The following TIAM1 variants were observed in gnomAD, a reference collection of about 807,000 sequenced individuals.
The protein encoded by TIAM1 is rho guanine nucleotide exchange factor TIAM1.
In TIAM1, 65 loss-of-function variants were observed where a neutral mutation model predicts 163.5. The observed-to-expected ratio is 0.40, with a 90% confidence interval of 0.33 to 0.49. TIAM1 has a LOEUF of 0.49. TIAM1 is among the 20% of genes least tolerant of loss of function. TIAM1 has a pLI of 0.77. For synonymous variants in TIAM1, 833 were observed against 810.1 expected (o/e 1.03, Z -0.48); for missense variants, 1,789 against 2,044.7 (o/e 0.87, Z 2.41).
At chr21:31,341,588 G>C (rs1168350450) in intron 1 of TIAM1, among the ~76,000 whole-genome samples, 1 of 152,142 alleles carries the variant, frequency 6.6e-6, no homozygotes, top group African/African-American at 2.4e-5. Flanking sequence ...CATTTTTCCA[G>C]AACAATATCA....
intron 13 of TIAM1, among the ~76,000 whole-genome samples, chr21:31,193,215 G>A (rs1236247806): frequency 1.3e-5 from 2 of 152,208 alleles, no homozygotes; most frequent in African/African-American, 4.8e-5. Flanking sequence ...GCTATTCTTC[G>A]AAAGGCCCGC....
chr21:31,295,011 T>C (rs1432741443), intron 2 of TIAM1, among the ~76,000 whole-genome samples: 1 of 152,336 alleles, frequency 6.6e-6, no homozygotes, highest in African/African-American at 2.4e-5. Flanking sequence ...ATCCTGACGC[T>C]AGTTTTCATC....
intron 2 of TIAM1, among the ~76,000 whole-genome samples, chr21:31,326,678 G>T (rs2075499054): frequency 6.6e-6 from 1 of 152,166 alleles, no homozygotes; most frequent in East Asian, 1.9e-4. Context: ...TAATACTCGG[G>T]AAGTATTTAA....
Position 31,298,516 on chromosome 21 carries a change from G to A in TIAM1, c.-188-21608C>T, listed in dbSNP as rs147503013. Among the ~76,000 whole-genome samples the A allele has an allele frequency of 6.2e-3, 943 of 152,094 alleles. 8 individuals carry two copies. Among genetic ancestry groups the A allele is most frequent in the African/African-American group, 0.022 (910 of 41,464 alleles). On this transcript the variant is annotated intron_variant, in intron 2 of 27. Coordinates refer to ENST00000541036, the MANE Select transcript of TIAM1 (RefSeq NM_001353694.2). ...AGTGATCAAGGTGTTTACTTAATTG[G>A]CATTTCCAAATATCAGTGTCATGGC...
upstream of TIAM1, among the ~76,000 whole-genome samples, chr21:31,348,489 C>T (rs2076184621): frequency 1.3e-5 from 2 of 152,194 alleles, no homozygotes; most frequent in Non-Finnish European, 2.9e-5. Flanking sequence ...AACACGATTT[C>T]CCAGCATAAC....
chr21:31,225,888 C>T lies in TIAM1; in HGVS notation c.1647G>A (p.Ala549=), dbSNP rs369256079. Residue 549 remains alanine, a synonymous_variant, in exon 7 of 28, where the codon GCG becomes GCA. Transcript: ENST00000541036. ...CTTCCTTGTGGTGGTGCCTCGCGACCGCAGTGGCGCAGGCAGAGTGGATGG... is the reference window on the plus strand; with the variant it reads ...CTTCCTTGTGGTGGTGCCTCGCGACTGCAGTGGCGCAGGCAGAGTGGATGG... The part of the protein sequence containing the change: ...ITAIHSACAT[A]VARHHHKEDT... The T allele has an allele frequency of 1.1e-5, 17 of 1,613,996 alleles. No homozygotes were observed. The highest frequency in any genetic ancestry group is 6.7e-5 in the African/African-American group (5 of 74,906).
chr21:31,266,448 G>C lies in TIAM1; in HGVS notation c.525C>G (p.Ile175Met), dbSNP rs771021898. ...FKKKRSKSADIWREDSLEFSL... is the reference protein window; with the variant it reads ...FKKKRSKSADMWREDSLEFSL... ...AGAATTCCAGGCTGTCCTCCCGCCA[G>C]ATGTCTGCAGATTTGGAGCGTTTCT... The change falls in exon 4 of 28, where the codon ATC becomes ATG. Residue 175 changes from isoleucine (I) to methionine (M), a missense_variant. Ile to Met is a conservative substitution (Grantham distance 10, BLOSUM62 1). Coordinates refer to ENST00000541036, the MANE Select transcript of TIAM1 (RefSeq NM_001353694.2). 12 of 1,614,210 alleles carry C rather than the reference G, an allele frequency of 7.4e-6. No homozygotes were observed. In the East Asian group the frequency reaches 1.1e-4, roughly 15 times the overall value.
chr21:31,198,933 A>G (rs543805395), intron 12 of TIAM1, among the ~76,000 whole-genome samples: 68 of 152,322 alleles, frequency 4.5e-4, no homozygotes, highest in African/African-American at 1.6e-3. Flanking sequence ...ATATCTCAAG[A>G]AGCGTTTGTA....
chr21:31,383,852 T>A (rs2076821652), intron 2 of TIAM1, among the ~76,000 whole-genome samples: 1 of 152,154 alleles, frequency 6.6e-6, no homozygotes, highest in Admixed American at 6.5e-5. Context: ...TTTTCCACTT[T>A]CCAGAGTGAA....
chr21:31,488,037 C>G (rs141828063), intron 1 of TIAM1, among the ~76,000 whole-genome samples: 55 of 152,258 alleles, frequency 3.6e-4, no homozygotes, highest in African/African-American at 1.2e-3. Flanking sequence ...AATCTATAGT[C>G]TATTTGTAAC....
chr21:31,352,542 C>CT (rs897487362), intron 2 of TIAM1, among the ~76,000 whole-genome samples: 2 of 122,786 alleles, frequency 1.6e-5, no homozygotes, highest in Non-Finnish European at 1.7e-5. Flanking sequence ...ATATATGTAG[C>CT]TTTAAAAAAA....
chr21:31,171,035 C>CAAAA (rs34291568), intron 15 of TIAM1, among the ~76,000 whole-genome samples: 902 of 19,532 alleles, frequency 0.046, 77 homozygotes, highest in African/African-American at 0.073. Flanking sequence ...GACTCCATCT[C>CAAAA]AAAAAAAAAA....
chr21:31,178,563 C>A (rs539335819), intron 15 of TIAM1, among the ~76,000 whole-genome samples: 1 of 152,204 alleles, frequency 6.6e-6, no homozygotes, highest in Non-Finnish European at 1.5e-5. Flanking sequence ...GCCTCGGCCT[C>A]CCGAAGTGCT....
Position 31,261,132 on chromosome 21 carries a change from C to T in TIAM1, c.963+4878G>A, listed in dbSNP as rs79729777. Among the ~76,000 whole-genome samples, 798 of 150,874 alleles carry T rather than the reference C, an allele frequency of 5.3e-3. 9 individuals carry two copies. The highest frequency in any genetic ancestry group is 0.024 in the East Asian group (123 of 5,182). On this transcript the variant is annotated intron_variant, in intron 4 of 27. Transcript: ENST00000541036. ...CTTGTTATTAATGAAATCATCAACG[C>T]GACTACTTGCTTATCAAAGAAAGCA...
intron 1 of TIAM1, among the ~76,000 whole-genome samples, chr21:31,536,156 C>T (rs1214564458): frequency 1.3e-5 from 2 of 152,214 alleles, no homozygotes; most frequent in Non-Finnish European, 2.9e-5. Flanking sequence ...AAAGCATCTA[C>T]AGGAATCGGC....
At chr21:31,416,389 T>G (rs1054688284) in intron 2 of TIAM1, among the ~76,000 whole-genome samples, 3 of 152,204 alleles carry the variant, frequency 2.0e-5, no homozygotes, top group Non-Finnish European at 4.4e-5. Context: ...AGTTCTTCAG[T>G]GTTGATTGCT....
intron 12 of TIAM1, among the ~76,000 whole-genome samples, chr21:31,199,802 T>C (rs1283576395): frequency 6.6e-6 from 1 of 151,118 alleles, no homozygotes; most frequent in African/African-American, 2.4e-5. Flanking sequence ...AGTGCTGGGA[T>C]TACAGGCGTG....
At chr21:31,356,911 G>A (rs2076325475) in intron 2 of TIAM1, among the ~76,000 whole-genome samples, 1 of 152,096 alleles carries the variant, frequency 6.6e-6, no homozygotes, top group Admixed American at 6.5e-5. Flanking sequence ...TGAGCCCATG[G>A]GTTCGAGACC....
At chr21:31,539,090 TCA>T (rs1050257016) in intron 1 of TIAM1, among the ~76,000 whole-genome samples, 2 of 152,066 alleles carry the variant, frequency 1.3e-5, no homozygotes, top group African/African-American at 4.8e-5. Flanking sequence ...ATCCTTCACC[TCA>T]CACACTCTTA....
Sources: allele counts gnomAD v4.1 joint callset (sites outside exome capture counted in the v4.1 genomes callset), GRCh38; gene constraint gnomAD v4.1.1; transcripts MANE v1.5; gene names NCBI Gene and HGNC (gene_info 2026-07-23, HGNC 2026-07-21).